MYO3B: variants seen among roughly 807,000 people sequenced by gnomAD.
The protein encoded by MYO3B is myosin-IIIb.
Under a neutral mutation model 174.6 loss-of-function variants are expected in MYO3B, and 156 were observed. That is an observed-to-expected ratio of 0.89 (90% confidence interval 0.78 to 1.02). The LOEUF is 1.02. MYO3B is among the 50% of genes least tolerant of loss of function. The pLI, the probability that MYO3B is intolerant of heterozygous loss-of-function variation, is 0.00. For missense variants in MYO3B, 1,632 were observed against 1,639.4 expected (o/e 1.00, Z 0.08); for synonymous variants, 563 against 569.1 (o/e 0.99, Z 0.15).
chr2:170,415,642 C>T (rs1370410973), intron 22 of MYO3B, among the ~76,000 whole-genome samples: 2 of 152,000 alleles, frequency 1.3e-5, no homozygotes, highest in Non-Finnish European at 2.9e-5. Flanking sequence ...TTCCTGTTTG[C>T]TCTATCTTCC....
At chr2:170,555,364 C>T (rs1297970502) in intron 32 of MYO3B, among the ~76,000 whole-genome samples, 1 of 152,170 alleles carries the variant, frequency 6.6e-6, no homozygotes, top group Non-Finnish European at 1.5e-5. Context: ...TTCATCATGA[C>T]AGTATCATAC....
intron 22 of MYO3B, among the ~76,000 whole-genome samples, chr2:170,433,679 G>A (rs763146237): frequency 3.3e-5 from 5 of 152,042 alleles, no homozygotes; most frequent in South Asian, 2.1e-4. Flanking sequence ...CTTCTTTTTC[G>A]GGCCTTCCCA....
At chr2:170,453,272 C>A (rs1286170648) in intron 23 of MYO3B, among the ~76,000 whole-genome samples, 1 of 152,118 alleles carries the variant, frequency 6.6e-6, no homozygotes, top group Non-Finnish European at 1.5e-5. Flanking sequence ...TGTGGCACTG[C>A]CGCTCCATTA....
At chr2:170,362,814 G>A (rs1002812487) in intron 8 of MYO3B, among the ~76,000 whole-genome samples, 1 of 152,186 alleles carries the variant, frequency 6.6e-6, no homozygotes, top group African/African-American at 2.4e-5. Context: ...CCAAACAGGG[G>A]GGTGATGTTT....
chr2:170,184,990 G>A (rs2355342), intron 1 of MYO3B, among the ~76,000 whole-genome samples: 64,583 of 151,916 alleles, frequency 0.43, 15,087 homozygotes, highest in East Asian at 0.57. Flanking sequence ...AGAAATATCT[G>A]TTTAGGTCAT....
chr2:170,580,869 G>A (rs1693101558), intron 32 of MYO3B, among the ~76,000 whole-genome samples: 2 of 151,864 alleles, frequency 1.3e-5, no homozygotes, highest in African/African-American at 4.8e-5. Flanking sequence ...TTATCACGTT[G>A]ATACATATAG....
intron 6 of MYO3B, among the ~76,000 whole-genome samples, chr2:170,232,306 G>A (rs988208293): frequency 1.3e-5 from 2 of 152,152 alleles, no homozygotes; most frequent in East Asian, 1.9e-4. Context: ...TGGATTGATA[G>A]GGAATCCCAT....
At chr2:170,608,402 C>A (rs1694944627) in intron 32 of MYO3B, among the ~76,000 whole-genome samples, 1 of 152,162 alleles carries the variant, frequency 6.6e-6, no homozygotes, top group Non-Finnish European at 1.5e-5. Context: ...AAGGATGGTG[C>A]TTTGTAAGCA....
intron 32 of MYO3B, among the ~76,000 whole-genome samples, chr2:170,581,837 A>G (rs576414796): frequency 2.5e-4 from 38 of 152,326 alleles, no homozygotes; most frequent in Admixed American, 2.2e-3. Context: ...TGATGATGGC[A>G]TATGTTAATA....
intron 32 of MYO3B, among the ~76,000 whole-genome samples, chr2:170,544,366 T>C: frequency 6.6e-6 from 1 of 152,240 alleles, no homozygotes; most frequent in East Asian, 1.9e-4. Context: ...TCTGCCCTTT[T>C]GGCAACATGG....
intron 6 of MYO3B, among the ~76,000 whole-genome samples, chr2:170,222,655 C>T (rs772346485): frequency 1.3e-5 from 2 of 152,180 alleles, no homozygotes; most frequent in African/African-American, 4.8e-5. Flanking sequence ...GAGGCCCACC[C>T]TACTCCAGTA....
chr2:170,505,778 G>A (rs1252579886), intron 28 of MYO3B, among the ~76,000 whole-genome samples: 2 of 152,246 alleles, frequency 1.3e-5, no homozygotes, highest in Non-Finnish European at 2.9e-5. Context: ...AGGTGACAGT[G>A]GAGCCCTAGG....
chr2:170,331,465 A>G (rs2093911139), intron 7 of MYO3B, among the ~76,000 whole-genome samples: 1 of 152,188 alleles, frequency 6.6e-6, no homozygotes, highest in African/African-American at 2.4e-5. Flanking sequence ...AAGAGGGGAC[A>G]GGTTATGAGT....
rs140268883 is a variant in MYO3B at position 170,337,035 on chromosome 2, G to T, written c.815+1585G>T. On this transcript the variant is annotated intron_variant, in intron 8 of 34. Coordinates refer to ENST00000408978, the MANE Select transcript of MYO3B (RefSeq NM_138995.5). Reference sequence around the variant, plus strand: ...CCTTTAGCCCCACGTTGACATTTTTGTCCTGGCTGCAGAATGCACTAGGAG... The same window carrying T: ...CCTTTAGCCCCACGTTGACATTTTTTTCCTGGCTGCAGAATGCACTAGGAG... 4.1e-4 allele frequency among the ~76,000 whole-genome samples: 62 copies of T among 151,716 alleles called. 2 individuals are homozygous for T. In the East Asian group the frequency reaches 0.011, roughly 28 times the overall value.
At chr2:170,533,189 G>A (rs1238242980) in intron 30 of MYO3B, among the ~76,000 whole-genome samples, 1 of 151,982 alleles carries the variant, frequency 6.6e-6, no homozygotes, top group African/African-American at 2.4e-5. Context: ...TGACATTGCT[G>A]ACTAGTCAGC....
At chr2:170,374,082 A>C (rs2094269664) in intron 9 of MYO3B, among the ~76,000 whole-genome samples, 1 of 152,228 alleles carries the variant, frequency 6.6e-6, no homozygotes, top group Admixed American at 6.5e-5. Flanking sequence ...AGAAACTCTC[A>C]GAAAATGCAC....
chr2:170,533,732 C>G (rs1372046085), intron 30 of MYO3B, among the ~76,000 whole-genome samples: 1 of 152,170 alleles, frequency 6.6e-6, no homozygotes, highest in Non-Finnish European at 1.5e-5. Context: ...CAATAAGTAA[C>G]CACATTGTTA....
At chr2:170,193,469 A>G (rs779366153) in intron 1 of MYO3B, among the ~76,000 whole-genome samples, 1 of 152,060 alleles carries the variant, frequency 6.6e-6, no homozygotes, top group African/African-American at 2.4e-5. Flanking sequence ...GGATATCTAT[A>G]GATCTGTTTT....
At chr2:170,558,920 G>A (rs535234866) in intron 32 of MYO3B, among the ~76,000 whole-genome samples, 2 of 152,202 alleles carry the variant, frequency 1.3e-5, no homozygotes, top group Admixed American at 6.5e-5. Flanking sequence ...TACGTCATAG[G>A]GTATAGATGT....
Sources: allele counts gnomAD v4.1 joint callset (sites outside exome capture counted in the v4.1 genomes callset), GRCh38; gene constraint gnomAD v4.1.1; transcripts MANE v1.5; gene names NCBI Gene and HGNC (gene_info 2026-07-23, HGNC 2026-07-21).